The following GPC5 variants were observed in gnomAD, a reference collection of about 807,000 sequenced individuals.
GPC5 encodes the protein glypican-5.
A neutral mutation model predicts 53.9 loss-of-function variants in GPC5; 47 were observed. The ratio of observed to expected loss-of-function variants is 0.87; its 90% CI spans 0.69 to 1.11. The LOEUF (loss-of-function observed/expected upper bound fraction) is 1.11. Ranked by LOEUF, GPC5 falls within the 50% of genes most tolerant of loss-of-function variation. The pLI, the probability that GPC5 is intolerant of heterozygous loss-of-function variation, is 0.00. For synonymous variants in GPC5, 286 were observed against 263.3 expected, an observed-to-expected ratio of 1.09 and a Z score of -0.84; for missense variants, 748 against 713.1, an observed-to-expected ratio of 1.05 and a Z score of -0.56.
chr13:92,798,012 C>T (rs1228578830), intron 7 of GPC5, among the ~76,000 whole-genome samples: 1 of 151,802 alleles, frequency 6.6e-6, no homozygotes, highest in Non-Finnish European at 1.5e-5. Context: ...TCCCCCCAAC[C>T]ATGCTTAGTA....
At chr13:92,125,122 A>T (rs2041684299) in intron 6 of GPC5, among the ~76,000 whole-genome samples, 1 of 152,180 alleles carries the variant, frequency 6.6e-6, no homozygotes, top group African/African-American at 2.4e-5. Flanking sequence ...TGCTTTCTGG[A>T]GAGGCCCATG....
At chr13:92,271,597 C>G (rs975444052) in intron 7 of GPC5, among the ~76,000 whole-genome samples, 14 of 152,144 alleles carry the variant, frequency 9.2e-5, no homozygotes, top group African/African-American at 3.1e-4. Context: ...TTGTAATCCT[C>G]TAAATATATT....
chr13:91,688,063 T>C (rs1239130224), intron 2 of GPC5, among the ~76,000 whole-genome samples: 1 of 152,096 alleles, frequency 6.6e-6, no homozygotes, highest in Non-Finnish European at 1.5e-5. Flanking sequence ...TTCTTGCTAA[T>C]ATCAAAATGT....
chr13:91,650,749 AGT>A lies in GPC5; in HGVS notation c.326-42437_326-42436del, dbSNP rs1491470830. 1.2e-3 allele frequency among the ~76,000 whole-genome samples: 81 copies of A among 67,070 alleles called. 1 individual carries two copies. Among genetic ancestry groups the A allele is most frequent in the African/African-American group, 7.5e-3 (76 of 10,170 alleles). The allele number at this position is 67,070 out of a possible 152,430, so 44.0% of individuals were successfully genotyped here. ...ACATCTGTGAAACAAAATTCCCATA[AGT>A]TTTTTTTTTTTTTTTTTTTTTAGCA... On this transcript the variant is annotated intron_variant, in intron 2 of 7. Coordinates refer to ENST00000377067, the MANE Select transcript of GPC5 (RefSeq NM_004466.6).
chr13:91,600,924 A>G (rs999641853), intron 2 of GPC5, among the ~76,000 whole-genome samples: 10 of 152,178 alleles, frequency 6.6e-5, no homozygotes, highest in African/African-American at 2.4e-4. Context: ...ATTGGGAAAT[A>G]TATACTCAAT....
intron 6 of GPC5, among the ~76,000 whole-genome samples, chr13:92,033,997 A>G (rs540210127): frequency 2.6e-5 from 4 of 152,242 alleles, no homozygotes; most frequent in Non-Finnish European, 5.9e-5. Context: ...GATATAAATT[A>G]ATGAATAAAT....
At chr13:92,166,954 T>TCACACA (rs1331415986) in intron 7 of GPC5, among the ~76,000 whole-genome samples, 2 of 44,616 alleles carry the variant, frequency 4.5e-5, no homozygotes, top group East Asian at 9.0e-4. Flanking sequence ...TCTCTCTCTC[T>TCACACA]CTCACACACA....
chr13:92,851,746 A>C (rs1006900322), intron 7 of GPC5, among the ~76,000 whole-genome samples: 1 of 150,962 alleles, frequency 6.6e-6, no homozygotes, highest in Non-Finnish European at 1.5e-5. Flanking sequence ...AAAATTAGCC[A>C]GGCGTGGTGG....
intron 7 of GPC5, among the ~76,000 whole-genome samples, chr13:92,470,681 C>T (rs1323984503): frequency 6.6e-6 from 1 of 152,144 alleles, no homozygotes; most frequent in Non-Finnish European, 1.5e-5. Flanking sequence ...CATTTCTACA[C>T]CACCTTTAAA....
chr13:92,359,527 A>G (rs547770973), intron 7 of GPC5, among the ~76,000 whole-genome samples: 1 of 151,774 alleles, frequency 6.6e-6, no homozygotes, highest in South Asian at 2.1e-4. Context: ...CCCAGTACCA[A>G]TGTTCTGTAT....
At chr13:91,556,060 A>G (rs2030929316) in intron 2 of GPC5, among the ~76,000 whole-genome samples, 1 of 139,604 alleles carries the variant, frequency 7.2e-6, no homozygotes, top group South Asian at 2.4e-4. Context: ...TTGCCCTTTC[A>G]TAGCCATACC....
chr13:92,245,975 G>A (rs77740933), intron 7 of GPC5, among the ~76,000 whole-genome samples: 4 of 151,686 alleles, frequency 2.6e-5, no homozygotes, highest in African/African-American at 9.7e-5. Context: ...TTCTTGTTTA[G>A]TATAAAGGGG....
chr13:91,960,133 G>A (rs1374658450), intron 6 of GPC5, among the ~76,000 whole-genome samples: 1 of 150,366 alleles, frequency 6.7e-6, no homozygotes, highest in Non-Finnish European at 1.5e-5. Context: ...GGAAGTCAAA[G>A]TGTCCCTCTT....
intron 7 of GPC5, among the ~76,000 whole-genome samples, chr13:92,671,249 A>AGGG (rs781675505): frequency 2.0e-5 from 3 of 152,188 alleles, no homozygotes; most frequent in Non-Finnish European, 4.4e-5. Context: ...CCAGCCTTGA[A>AGGG]GGGAAGGCCT....
chr13:92,087,714 T>C (rs1393905274), intron 6 of GPC5, among the ~76,000 whole-genome samples: 1 of 152,172 alleles, frequency 6.6e-6, no homozygotes, highest in Non-Finnish European at 1.5e-5. Context: ...TCTTGTATCT[T>C]TCCCCATTTG....
rs148472831 is a variant in GPC5, at chr13:91,472,204, C to G, written c.325+23282C>G. On this transcript the variant is annotated intron_variant, in intron 2 of 7. Transcript: ENST00000377067. ...CACTTTCCTTAGGACAATGTATAAT[C>G]TATGGTAGATGTTCAGTTAATGTGA... 7.9e-5 allele frequency among the ~76,000 whole-genome samples: 12 copies of G among 152,222 alleles called. No individual in the cohort carries two copies. In the East Asian group the frequency reaches 2.3e-3, roughly 29 times the overall value.
Position 92,123,199 on chromosome 13 carries a change from G to A in GPC5, c.1402-21631G>A, listed in dbSNP as rs11843190. Among the ~76,000 whole-genome samples the A allele has an allele frequency of 5.2e-3, 787 of 152,040 alleles. 9 individuals carry two copies. Among genetic ancestry groups the A allele is most frequent in the African/African-American group, 0.018 (757 of 41,476 alleles). Reference sequence around the variant, plus strand: ...AAGGCAGGATCACCTGAGGTCAGGAGTTTGAAACCAGCCTGGCCAACATGT... The same window carrying A: ...AAGGCAGGATCACCTGAGGTCAGGAATTTGAAACCAGCCTGGCCAACATGT... On this transcript the variant is annotated intron_variant, in intron 6 of 7. Transcript: ENST00000377067.
At chr13:91,906,935 T>G (rs1389730868) in intron 5 of GPC5, among the ~76,000 whole-genome samples, 1 of 151,362 alleles carries the variant, frequency 6.6e-6, no homozygotes, top group South Asian at 2.1e-4. Flanking sequence ...TTATTTAAAT[T>G]TGTACAGTTA....
At chr13:91,460,761 GC>G (rs1331836136) in intron 2 of GPC5, among the ~76,000 whole-genome samples, 1 of 150,472 alleles carries the variant, frequency 6.6e-6, no homozygotes, top group Non-Finnish European at 1.5e-5. Context: ...TAATATTTCA[GC>G]TTTTTTTTTT....
Sources: allele counts gnomAD v4.1 joint callset (sites outside exome capture counted in the v4.1 genomes callset), GRCh38; gene constraint gnomAD v4.1.1; transcripts MANE v1.5; gene names NCBI Gene and HGNC (gene_info 2026-07-23, HGNC 2026-07-21).